Variants in TAF1 observed in about 807,000 individuals in gnomAD.
TAF1 encodes the protein TATA-box binding protein associated factor 1, also known as transcription initiation factor TFIID subunit 1.
In TAF1, 2 loss-of-function variants were observed where a neutral mutation model predicts 138.5. The ratio of observed to expected loss-of-function variants is 0.01; its 90% CI spans 0.01 to 0.05. The LOEUF (loss-of-function observed/expected upper bound fraction) is 0.05, where lower values mean the gene tolerates loss of function less well. TAF1 is among the 10% of genes least tolerant of loss of function. The pLI is 1.00. For synonymous variants in TAF1, 437 were observed against 503.2 expected (o/e 0.87, Z 1.76); for missense variants, 709 against 1,478.0 (o/e 0.48, Z 8.53).
At chrX:71,474,330 T>A (rs2038942421) in intron 13 of TAF1, among the ~76,000 whole-genome samples, 1 of 111,470 alleles carries the variant, frequency 9.0e-6, no homozygotes, top group Non-Finnish European at 1.9e-5. Context: ...ATGTATATAT[T>A]TAATGTAGTG....
chrX:71,451,557 G>A (rs1196269595), intron 32 of TAF1, among the ~76,000 whole-genome samples: 1 of 108,112 alleles, frequency 9.2e-6, no homozygotes, highest in African/African-American at 3.4e-5. Flanking sequence ...ATAGGACAAT[G>A]GTGGAGGGAA....
chrX:71,370,424 G>A (rs2032960899), intron 3 of TAF1, among the ~76,000 whole-genome samples: 1 of 111,259 alleles, frequency 9.0e-6, no homozygotes, highest in Non-Finnish European at 1.9e-5. Flanking sequence ...TCAGCTCACT[G>A]CAACTTCCAC....
chrX:71,371,789 G>A (rs745823964), intron 3 of TAF1, among the ~76,000 whole-genome samples: 6 of 111,572 alleles, frequency 5.4e-5, no homozygotes, highest in Non-Finnish European at 1.1e-4. Context: ...GAATCTCTGA[G>A]GCTTGGATTT....
intron 34 of TAF1, among the ~76,000 whole-genome samples, chrX:71,456,894 C>T (rs757366517): frequency 4.6e-5 from 5 of 109,491 alleles, no homozygotes; most frequent in African/African-American, 1.0e-4. Context: ...AGGCTGGTCT[C>T]GTACTCCCGA....
At chrX:71,491,037 G>GTTTTTTTTTTT (rs1569399877) in intron 13 of TAF1, 1 of 76,916 alleles carries the variant, frequency 1.3e-5, no homozygotes, top group African/African-American at 5.3e-5. Context: ...TGTTGTTGTT[G>GTTTTTTTTTTT]TTGTTGTTTT....
intron 37 of TAF1, among the ~76,000 whole-genome samples, chrX:71,463,023 T>G (rs964275757): frequency 9.0e-6 from 1 of 111,565 alleles, no homozygotes; most frequent in South Asian, 3.9e-4. Flanking sequence ...ATTAAAATTA[T>G]GCTATAGACG....
In TAF1 at chrX:71,483,803, T is replaced by TATATACAC. The variant is rs1290090578; in HGVS notation, c.1366+23001_1366+23002insTATACACA. Reference sequence around the variant, plus strand: ...CTCTATATATATATATATATATATATACACACACATCCCTCATTATTTTTT... The same window carrying TATATACAC: ...CTCTATATATATATATATATATATATATATACACACACACACATCCCTCATTATTTTTT... On this transcript the variant is annotated intron_variant and NMD_transcript_variant, in intron 13 of 14. Transcript: ENST00000373775. Among the ~76,000 whole-genome samples the TATATACAC allele has an allele frequency of 3.2e-5, 3 of 92,894 alleles. 1 individual carries two copies. The highest frequency in any genetic ancestry group is 1.3e-4 in the African/African-American group (3 of 23,366). The allele number at this position is 92,894 out of a possible 115,157, so 80.7% of individuals were successfully genotyped here. A position where few individuals can be genotyped will look rare whatever the true frequency, so the allele number is the denominator to read the frequency against.
chrX:71,396,393 G>A (rs1168198815), intron 22 of TAF1, among the ~76,000 whole-genome samples: 1 of 106,625 alleles, frequency 9.4e-6, no homozygotes, highest in Non-Finnish European at 1.9e-5. Flanking sequence ...CAACCTCCTG[G>A]GCTCAAGGGA....
intron 32 of TAF1, among the ~76,000 whole-genome samples, chrX:71,436,859 T>G (rs2148686204): frequency 8.9e-6 from 1 of 111,848 alleles, no homozygotes; most frequent in African/African-American, 3.2e-5. Context: ...AGATTCTACC[T>G]TGTCCTCGAA....
intron 13 of TAF1, among the ~76,000 whole-genome samples, chrX:71,483,612 A>AATAC (rs1161287419): frequency 2.8e-5 from 3 of 107,157 alleles, no homozygotes; most frequent in Non-Finnish European, 5.8e-5. Context: ...CAAATAAATA[A>AATAC]ATACATAAAT....
intron 13 of TAF1, 22 bp downstream of exon 13, chrX:71,384,157 T>G (rs956352616): frequency 8.3e-7 from 1 of 1,203,308 alleles, no homozygotes; most frequent in Admixed American, 2.2e-5. Context: ...CTCAGAAAAT[T>G]TTTTTCCCAT....
At chrX:71,399,293 G>A (rs1348361203) in intron 24 of TAF1, among the ~76,000 whole-genome samples, 1 of 77,052 alleles carries the variant, frequency 1.3e-5, no homozygotes, top group Non-Finnish European at 2.3e-5. Flanking sequence ...GTCTCACTCT[G>A]TTGCCCAGGC....
intron 36 of TAF1, 125 bp downstream of exon 36, chrX:71,459,833 T>A: frequency 9.1e-7 from 1 of 1,097,226 alleles, no homozygotes; most frequent in Non-Finnish European, 1.2e-6. Context: ...GAATTCCTAT[T>A]AATAGACCTG....
chrX:71,369,605 C>CG (rs2032870085), intron 3 of TAF1, among the ~76,000 whole-genome samples: 1 of 92,203 alleles, frequency 1.1e-5, no homozygotes, highest in Non-Finnish European at 2.2e-5. Context: ...CAGTGTGTTT[C>CG]TTTTTTTTTT....
intron 34 of TAF1, among the ~76,000 whole-genome samples, chrX:71,456,020 T>G (rs1023604948): frequency 9.0e-6 from 1 of 111,217 alleles, no homozygotes; most frequent in Admixed American, 9.6e-5. Flanking sequence ...GCTCTTGGAG[T>G]GTGTGGGCAG....
chrX:71,458,389 A>G (rs1227413791), intron 35 of TAF1, 23 bp downstream of exon 35: 1 of 1,205,245 alleles, frequency 8.3e-7, no homozygotes, highest in Non-Finnish European at 1.1e-6. Context: ...TTTTCTCTTT[A>G]TAAGATTGTT....
At chrX:71,371,253 C>T (rs770641087) in intron 3 of TAF1, among the ~76,000 whole-genome samples, 1 of 111,672 alleles carries the variant, frequency 9.0e-6, no homozygotes, top group Non-Finnish European at 1.9e-5. Flanking sequence ...TCTAGGGGTG[C>T]CTTCACCTAT....
At position 71,408,082 on chromosome X, in the gene TAF1, C is replaced by G. The variant is rs1043311612; in HGVS notation, c.4315C>G (p.Leu1439Val). Residue 1439 changes from leucine (L) to valine (V), a missense_variant, in exon 28 of 38, where the codon CTC becomes GTC. Leu to Val is a conservative substitution (Grantham distance 32, BLOSUM62 1). Transcript: ENST00000423759. ...ACTCCGCGAAAACGTGCGTAAACGC[C>G]TCTACCCATCTCGGGAAGAGTTCAG... ...QTLRENVRKR[L>V]YPSREEFREH... 8.3e-7 allele frequency: 1 copy of G among 1,211,534 alleles called. No individual in the cohort carries two copies. The highest frequency in any genetic ancestry group is 2.2e-5 in the Admixed American group (1 of 45,900).
downstream of TAF1, among the ~76,000 whole-genome samples, chrX:71,470,221 T>C (rs910629024): frequency 8.1e-5 from 9 of 110,964 alleles, no homozygotes; most frequent in African/African-American, 2.9e-4. Context: ...GTAATAATAT[T>C]GTAAAATAAT....
Sources: gnomAD v4.1 joint callset for allele counts (sites outside exome capture counted in the v4.1 genomes callset) on GRCh38, gnomAD v4.1.1 for gene constraint, MANE v1.5 for transcripts, NCBI Gene and HGNC (gene_info 2026-07-23, HGNC 2026-07-21) for gene names.